The following ERC1 variants were observed in gnomAD, a reference collection of about 807,000 sequenced individuals.
ERC1 encodes RAB6 interacting protein 2.
In ERC1, 56 loss-of-function variants were observed where a neutral mutation model predicts 132.0. The ratio of observed to expected loss-of-function variants is 0.42; its 90% confidence interval spans 0.34 to 0.53. The LOEUF is 0.53. Ranked by LOEUF, ERC1 falls within the 20% of genes least tolerant of loss-of-function variation. The pLI, the probability that ERC1 is intolerant of heterozygous loss-of-function variation, is 0.03. For missense variants in ERC1, 1,202 were observed against 1,349.9 expected, an observed-to-expected ratio of 0.89 and a Z score of 1.72; for synonymous variants, 478 against 476.1, an observed-to-expected ratio of 1.00 and a Z score of -0.05.
chr12:1,232,032 C>T (rs546225640), intron 12 of ERC1, among the ~76,000 whole-genome samples: 2 of 152,170 alleles, frequency 1.3e-5, no homozygotes, highest in East Asian at 3.8e-4. Context: ...AACCACTGTG[C>T]CCAGCAACAA....
chr12:1,082,307 T>G (rs1056001577), intron 2 of ERC1, among the ~76,000 whole-genome samples: 3 of 151,638 alleles, frequency 2.0e-5, no homozygotes, highest in Non-Finnish European at 4.4e-5. Context: ...ATTACAGGCG[T>G]GAACCACCGT....
At chr12:1,180,285 G>T (rs1053355427) in intron 8 of ERC1, among the ~76,000 whole-genome samples, 5 of 124,964 alleles carry the variant, frequency 4.0e-5, no homozygotes, top group African/African-American at 1.7e-4. Context: ...GTGTGTGTGC[G>T]CGCACGCGTG....
intron 6 of ERC1, among the ~76,000 whole-genome samples, chr12:1,114,126 C>A (rs1023205033): frequency 6.6e-6 from 1 of 152,004 alleles, no homozygotes; most frequent in African/African-American, 2.4e-5. Flanking sequence ...CTGGTTCAAG[C>A]GATTCTCCTG....
At chr12:1,175,647 C>G (rs552194643) in intron 8 of ERC1, among the ~76,000 whole-genome samples, 46 of 151,728 alleles carry the variant, frequency 3.0e-4, no homozygotes, top group African/African-American at 1.0e-3. Flanking sequence ...GATTCTTCTG[C>G]CTGAGCCTCC....
At chr12:1,437,749 A>C (rs2092988597) in intron 17 of ERC1, among the ~76,000 whole-genome samples, 1 of 152,234 alleles carries the variant, frequency 6.6e-6, no homozygotes, top group Non-Finnish European at 1.5e-5. Context: ...ATCCAGAAAT[A>C]AAGGATGTTT....
intron 1 of ERC1, among the ~76,000 whole-genome samples, chr12:1,015,465 A>T (rs1965371833): frequency 6.6e-6 from 1 of 152,200 alleles, no homozygotes. Flanking sequence ...TATTCAACTA[A>T]TCTCTTTGGA....
At chr12:1,083,617 T>C (rs774897286) in intron 3 of ERC1, 37 bp downstream of exon 3, 2 of 1,493,404 alleles carry the variant, frequency 1.3e-6, no homozygotes, top group Non-Finnish European at 9.0e-7. Flanking sequence ...GATTTGTTGG[T>C]TATCTTTTTT....
chr12:1,236,419 T>C (rs779283888), intron 12 of ERC1, among the ~76,000 whole-genome samples: 4 of 152,214 alleles, frequency 2.6e-5, no homozygotes, highest in Non-Finnish European at 4.4e-5. Context: ...GCCATTCTAA[T>C]ATTTCAGTGC....
At chr12:1,398,617 G>A (rs924540112) in intron 16 of ERC1, among the ~76,000 whole-genome samples, 3 of 152,148 alleles carry the variant, frequency 2.0e-5, no homozygotes, top group Non-Finnish European at 2.9e-5. Context: ...CCCCACAGCC[G>A]GATTGTGGTT....
chr12:1,126,296 C>T (rs905060966), intron 7 of ERC1, among the ~76,000 whole-genome samples: 19 of 152,036 alleles, frequency 1.2e-4, no homozygotes, highest in Admixed American at 3.9e-4. Flanking sequence ...CAGAACAGTG[C>T]GGTAACTAGC....
intron 7 of ERC1, among the ~76,000 whole-genome samples, chr12:1,119,872 G>A (rs1419386091): frequency 6.6e-6 from 1 of 152,022 alleles, no homozygotes; most frequent in Non-Finnish European, 1.5e-5. Context: ...ACTTCTTTAA[G>A]CCTCCATTTC....
chr12:1,130,632 C>CT (rs201618993), intron 7 of ERC1, among the ~76,000 whole-genome samples: 2,467 of 146,970 alleles, frequency 0.017, 74 homozygotes, highest in African/African-American at 0.052. Context: ...AACGTATAGT[C>CT]TTTTTTTTTT....
At chr12:1,093,328 A>G (rs577794475) in intron 3 of ERC1, among the ~76,000 whole-genome samples, 3 of 152,296 alleles carry the variant, frequency 2.0e-5, no homozygotes, top group East Asian at 1.9e-4. Context: ...AGCTCCTTTC[A>G]TTTGACTGTT....
intron 15 of ERC1, among the ~76,000 whole-genome samples, chr12:1,370,955 C>T (rs2087155608): frequency 1.3e-5 from 2 of 152,194 alleles, no homozygotes; most frequent in Admixed American, 1.3e-4. Context: ...TCAAGTGATC[C>T]ACCCACCTCA....
chr12:1,003,096 C>CAAAAAAAAAAAAAAAAAAAAAAACAAA (rs59507923), intron 1 of ERC1, among the ~76,000 whole-genome samples: 2 of 86,918 alleles, frequency 2.3e-5, no homozygotes, highest in Non-Finnish European at 4.0e-5. Context: ...ATGAAAAATG[C>CAAAAAAAAAAAAAAAAAAAAAAACAAA]AAAAAAAAAA....
At chr12:1,301,827 A>C (rs2080425548) in intron 15 of ERC1, among the ~76,000 whole-genome samples, 1 of 152,202 alleles carries the variant, frequency 6.6e-6, no homozygotes, top group Non-Finnish European at 1.5e-5. Context: ...AAAATTAAGA[A>C]AAAGAAAGAA....
At chr12:1,359,148 A>G (rs912258825) in intron 15 of ERC1, among the ~76,000 whole-genome samples, 1 of 152,188 alleles carries the variant, frequency 6.6e-6, no homozygotes, top group Non-Finnish European at 1.5e-5. Flanking sequence ...AGCTTCAGGG[A>G]AAAGTAGGCT....
chr12:1,145,457 T>G (rs560560069), intron 8 of ERC1, among the ~76,000 whole-genome samples: 10 of 152,374 alleles, frequency 6.6e-5, no homozygotes, highest in Non-Finnish European at 1.3e-4. Flanking sequence ...TTTGAATTCT[T>G]TGTAGATTCT....
At chr12:1,134,384 C>T (rs531985879) in intron 7 of ERC1, among the ~76,000 whole-genome samples, 56 of 148,828 alleles carry the variant, frequency 3.8e-4, no homozygotes, top group Non-Finnish European at 7.3e-4. Context: ...TCTTGCTTTG[C>T]TACCAAGGCT....
Sources: gnomAD v4.1 joint callset for allele counts (sites outside exome capture counted in the v4.1 genomes callset) on GRCh38, gnomAD v4.1.1 for gene constraint, MANE v1.5 for transcripts, NCBI Gene and HGNC (gene_info 2026-07-23, HGNC 2026-07-21) for gene names.